Variants in SRRM4 observed in about 807,000 individuals in gnomAD.
SRRM4 encodes serine/arginine repetitive matrix protein 4.
SRRM4 carries 33 observed loss-of-function variants against 68.9 expected under a neutral mutation model. The observed-to-expected ratio is 0.48, with a 90% CI of 0.36 to 0.64. The LOEUF (loss-of-function observed/expected upper bound fraction) is 0.64, where lower values mean the gene tolerates loss of function less well. Ranked by LOEUF, SRRM4 falls within the 30% of genes least tolerant of loss-of-function variation. The pLI is 0.00. For missense variants in SRRM4, 817 were observed against 827.1 expected (o/e 0.99, Z 0.15); for synonymous variants, 318 against 318.8 (o/e 1.00, Z 0.03).
intron 2 of SRRM4, among the ~76,000 whole-genome samples, chr12:119,109,910 T>C (rs564727860): frequency 3.3e-5 from 5 of 152,310 alleles, no homozygotes; most frequent in African/African-American, 9.6e-5. Flanking sequence ...TCTCTGATTT[T>C]TAGAATTTTA....
chr12:119,009,791 G>C, intron 1 of SRRM4, among the ~76,000 whole-genome samples: 1 of 152,204 alleles, frequency 6.6e-6, no homozygotes, highest in East Asian at 1.9e-4. Flanking sequence ...TGGGGTGGGA[G>C]TGCAGACAAT....
chr12:119,010,231 T>C (rs1411266722), intron 1 of SRRM4, among the ~76,000 whole-genome samples: 2 of 152,176 alleles, frequency 1.3e-5, no homozygotes, highest in Admixed American at 1.3e-4. Flanking sequence ...TTTCGTATCT[T>C]TAGTAGAGAC....
chr12:119,014,202 T>C (rs1953467501), intron 1 of SRRM4, among the ~76,000 whole-genome samples: 1 of 152,218 alleles, frequency 6.6e-6, no homozygotes, highest in African/African-American at 2.4e-5. Flanking sequence ...AATTTGATTA[T>C]TCTTTTTTTT....
At chr12:118,989,557 C>A (rs577379713) in intron 1 of SRRM4, among the ~76,000 whole-genome samples, 7 of 146,064 alleles carry the variant, frequency 4.8e-5, no homozygotes, top group South Asian at 2.4e-4. Context: ...TCCAGCCCCC[C>A]ACTCCATTTG....
chr12:119,151,288 C>T, intron 10 of SRRM4, 68 bp downstream of exon 10: 1 of 1,420,204 alleles, frequency 7.0e-7, no homozygotes, highest in Admixed American at 1.7e-5. Flanking sequence ...TTGCAGATGT[C>T]CTTTGACCCA....
chr12:119,069,529 G>A (rs1953865432), intron 1 of SRRM4: 1 of 152,068 alleles, frequency 6.6e-6, no homozygotes, highest in East Asian at 1.9e-4. Context: ...TTAGAACTTG[G>A]GAACAAAGAC....
rs112458141 is a variant in SRRM4 at position 119,145,823 on chromosome 12, C to CTTAA, written c.1076+140_1076+141insAATT. On this transcript the variant is annotated intron_variant, in intron 9 of 12. Coordinates refer to ENST00000267260, the MANE Select transcript of SRRM4 (RefSeq NM_194286.4). ...AGAGATGAAACTCAACTCAGACTGG[C>CTTAA]TTGTTTTAAAACACTAGTGGCACTA... is the stretch of plus-strand genomic sequence containing the variant. 3,431 of 824,280 alleles carry CTTAA rather than the reference C, an allele frequency of 4.2e-3. 102 individuals are homozygous for CTTAA. In the African/African-American group the frequency reaches 0.055, roughly 13 times the overall value. 51.1% of individuals were successfully genotyped at this position (824,280 alleles called of 1,614,324 possible).
chr12:119,037,408 G>A (rs898097878), intron 1 of SRRM4, among the ~76,000 whole-genome samples: 8 of 152,018 alleles, frequency 5.3e-5, no homozygotes, highest in Non-Finnish European at 1.2e-4. Context: ...GGAGAGACAG[G>A]GTGTCACCGG....
intron 1 of SRRM4, among the ~76,000 whole-genome samples, chr12:119,090,908 G>A (rs1954010736): frequency 6.6e-6 from 1 of 152,308 alleles, no homozygotes; most frequent in South Asian, 2.1e-4. Flanking sequence ...CCCCAAAAGT[G>A]TGAAGCAAGG....
chr12:119,083,719 G>C (rs187713112), intron 1 of SRRM4, among the ~76,000 whole-genome samples: 5 of 152,334 alleles, frequency 3.3e-5, no homozygotes, highest in African/African-American at 1.2e-4. Context: ...GTCAGCTGGT[G>C]CTTTGGAAAA....
intron 1 of SRRM4, among the ~76,000 whole-genome samples, chr12:119,077,852 A>C (rs1953925601): frequency 6.6e-6 from 1 of 152,150 alleles, no homozygotes; most frequent in African/African-American, 2.4e-5. Flanking sequence ...ACAGACAATA[A>C]GAGTGATTTT....
intron 1 of SRRM4, among the ~76,000 whole-genome samples, chr12:119,005,244 G>T (rs529371358): frequency 1.3e-5 from 2 of 152,176 alleles, no homozygotes; most frequent in African/African-American, 4.8e-5. Context: ...CTGTCAAAAC[G>T]GAAGGGGCCC....
At chr12:119,048,575 C>T (rs1295508155) in intron 1 of SRRM4, among the ~76,000 whole-genome samples, 1 of 152,122 alleles carries the variant, frequency 6.6e-6, no homozygotes, top group East Asian at 1.9e-4. Context: ...TCTTTCTTTA[C>T]ACCTGGACGT....
At chr12:118,995,959 C>T in intron 1 of SRRM4, among the ~76,000 whole-genome samples, 1 of 152,182 alleles carries the variant, frequency 6.6e-6, no homozygotes, top group East Asian at 1.9e-4. Context: ...AGCAGTTTCT[C>T]TATTCATCCA....
chr12:119,085,974 T>G (rs1413225316), intron 1 of SRRM4, among the ~76,000 whole-genome samples: 1 of 152,040 alleles, frequency 6.6e-6, no homozygotes, highest in Non-Finnish European at 1.5e-5. Flanking sequence ...AAGTTTGAGG[T>G]GCCTGTGGGA....
chr12:119,049,654 CAT>C (rs1261871588), intron 1 of SRRM4, among the ~76,000 whole-genome samples: 2 of 152,120 alleles, frequency 1.3e-5, no homozygotes, highest in Non-Finnish European at 2.9e-5. Flanking sequence ...CTAGAACTAC[CAT>C]GACAAAATGC....
intron 1 of SRRM4, among the ~76,000 whole-genome samples, chr12:119,092,123 A>G (rs909961359): frequency 5.3e-5 from 8 of 152,164 alleles, no homozygotes; most frequent in Admixed American, 2.0e-4. Context: ...AGGCTGGGGC[A>G]CTTCTATTGA....
At chr12:119,086,572 G>A (rs1480682650) in intron 1 of SRRM4, among the ~76,000 whole-genome samples, 4 of 152,214 alleles carry the variant, frequency 2.6e-5, no homozygotes, top group Non-Finnish European at 4.4e-5. Flanking sequence ...CTGAAAAGGA[G>A]GATGCCATAG....
chr12:119,040,434 T>G (rs1034008925), intron 1 of SRRM4, among the ~76,000 whole-genome samples: 2 of 152,198 alleles, frequency 1.3e-5, no homozygotes, highest in African/African-American at 4.8e-5. Flanking sequence ...CACATATCAG[T>G]GAGAACATAT....
Sources: gnomAD v4.1 joint callset for allele counts (sites outside exome capture counted in the v4.1 genomes callset) on GRCh38, gnomAD v4.1.1 for gene constraint, MANE v1.5 for transcripts, NCBI Gene and HGNC (gene_info 2026-07-23, HGNC 2026-07-21) for gene names.